Variants in EDIL3 observed in about 807,000 individuals in gnomAD.
EDIL3 encodes EGF-like repeat and discoidin I-like domain-containing protein 3.
Under a neutral mutation model 67.4 loss-of-function variants are expected in EDIL3, and 37 were observed. The observed-to-expected ratio is 0.55, with a 90% confidence interval of 0.42 to 0.72. EDIL3 has a LOEUF of 0.72. Among genes scored for constraint, EDIL3 ranks in the 30% least tolerant of loss-of-function variants. The pLI is 0.00. For synonymous variants in EDIL3, 195 were observed against 196.3 expected (o/e 0.99, Z 0.05); for missense variants, 527 against 586.3 (o/e 0.90, Z 1.04).
chr5:84,215,960 T>G (rs962616811), intron 3 of EDIL3, among the ~76,000 whole-genome samples: 2 of 152,214 alleles, frequency 1.3e-5, no homozygotes. Flanking sequence ...TGATGGGCAC[T>G]CACAGCCTTG....
chr5:84,211,847 G>A (rs1469059819), intron 3 of EDIL3, among the ~76,000 whole-genome samples: 3 of 152,174 alleles, frequency 2.0e-5, no homozygotes, highest in Non-Finnish European at 4.4e-5. Context: ...CTCAGGAAAC[G>A]AATATAGCTG....
chr5:83,944,958 G>C (rs1214464681), intron 10 of EDIL3, among the ~76,000 whole-genome samples: 1 of 151,856 alleles, frequency 6.6e-6, no homozygotes, highest in Non-Finnish European at 1.5e-5. Flanking sequence ...TGAAATTAAA[G>C]GGAATGTTTT....
chr5:84,191,806 T>A (rs1393621039), intron 3 of EDIL3, among the ~76,000 whole-genome samples: 1 of 152,062 alleles, frequency 6.6e-6, no homozygotes, highest in Non-Finnish European at 1.5e-5. Context: ...TCATATTGAA[T>A]CCATGTCAAA....
At chr5:84,269,780 G>T (rs975841915) in intron 1 of EDIL3, among the ~76,000 whole-genome samples, 1 of 152,132 alleles carries the variant, frequency 6.6e-6, no homozygotes, top group African/African-American at 2.4e-5. Context: ...CAGACCTAGG[G>T]TTAGGAAGCT....
chr5:84,310,637 T>G (rs771757183), intron 1 of EDIL3, among the ~76,000 whole-genome samples: 1 of 152,334 alleles, frequency 6.6e-6, no homozygotes, highest in East Asian at 1.9e-4. Context: ...TTTATCCTTA[T>G]ACAAATATTT....
intron 6 of EDIL3, among the ~76,000 whole-genome samples, chr5:84,105,730 C>T (rs746974411): frequency 1.1e-5 from 1 of 87,664 alleles, no homozygotes; most frequent in Non-Finnish European, 2.2e-5. Flanking sequence ...GCAACCTTTA[C>T]TCTAGTCATG....
chr5:84,335,753 G>A (rs1024655793), intron 1 of EDIL3, among the ~76,000 whole-genome samples: 1 of 152,164 alleles, frequency 6.6e-6, no homozygotes, highest in African/African-American at 2.4e-5. Flanking sequence ...TATCTTAGAG[G>A]AGGATGTCTC....
At chr5:83,990,938 GTT>G (rs1359934576) in intron 9 of EDIL3, among the ~76,000 whole-genome samples, 1 of 151,476 alleles carries the variant, frequency 6.6e-6, no homozygotes, top group Non-Finnish European at 1.5e-5. Context: ...AAATAAAAGA[GTT>G]AAGTGCAGAG....
At chr5:84,104,492 TA>T (rs1373521432) in intron 6 of EDIL3, among the ~76,000 whole-genome samples, 1 of 151,976 alleles carries the variant, frequency 6.6e-6, no homozygotes, top group Non-Finnish European at 1.5e-5. Flanking sequence ...ATATAATTCC[TA>T]AAAATTTATT....
At chr5:84,244,687 T>C (rs1487254132) in intron 2 of EDIL3, among the ~76,000 whole-genome samples, 1 of 152,198 alleles carries the variant, frequency 6.6e-6, no homozygotes, top group African/African-American at 2.4e-5. Context: ...GAACAAAGGC[T>C]GTGTCATTCA....
intron 4 of EDIL3, among the ~76,000 whole-genome samples, chr5:84,150,817 T>G (rs995458792): frequency 3.3e-5 from 5 of 152,190 alleles, no homozygotes; most frequent in Non-Finnish European, 7.3e-5. Flanking sequence ...ACACAAAGAC[T>G]TGTATGGATG....
intron 1 of EDIL3, among the ~76,000 whole-genome samples, chr5:84,290,351 C>T (rs1201358065): frequency 3.9e-5 from 6 of 152,138 alleles, no homozygotes; most frequent in African/African-American, 4.8e-5. Flanking sequence ...TGCCCTTACT[C>T]CCTCTAAGAG....
At chr5:84,011,755 T>C (rs7725025) in intron 9 of EDIL3, among the ~76,000 whole-genome samples, 21,492 of 152,124 alleles carry the variant, frequency 0.14, 2,156 homozygotes, top group African/African-American at 0.28. Flanking sequence ...TTTGCCTTTC[T>C]CCCCAAAACT....
In EDIL3 at chr5:84,064,855, AC is replaced by A. The variant is rs775407340; in HGVS notation, c.808-12del. On this transcript the variant is annotated splice_polypyrimidine_tract_variant and intron_variant, in intron 7 of 10. Coordinates refer to ENST00000296591, the MANE Select transcript of EDIL3 (RefSeq NM_005711.5). ...GTTTCCACGAAACACCTGTGTAAAA[AC>A]AGTTTAAAATTATTCACTGCAACAG... 4 of 1,604,418 alleles carry A rather than the reference AC, an allele frequency of 2.5e-6. No homozygotes were observed. The highest frequency in any genetic ancestry group is 3.4e-6 in the Non-Finnish European group (4 of 1,174,822).
chr5:84,303,615 A>G (rs890820998), intron 1 of EDIL3, among the ~76,000 whole-genome samples: 6 of 152,220 alleles, frequency 3.9e-5, no homozygotes, highest in African/African-American at 1.4e-4. Flanking sequence ...TATAGAAAAC[A>G]GTCATTATAT....
chr5:84,162,913 T>C (rs1748640557), intron 4 of EDIL3, among the ~76,000 whole-genome samples: 1 of 152,094 alleles, frequency 6.6e-6, no homozygotes, highest in Non-Finnish European at 1.5e-5. Context: ...TTATATGACA[T>C]CATCATAATA....
rs12521637 is a variant in EDIL3 at position 84,111,692 on chromosome 5, T to C, written c.470-4862A>G. On this transcript the variant is annotated intron_variant, in intron 5 of 10. Coordinates refer to ENST00000296591, the MANE Select transcript of EDIL3 (RefSeq NM_005711.5). ...AGGAAAAAAAGAAGGGTGAATCAAG[T>C]GTGGGTGTCAGGTGATCAGAGATGG... is the stretch of plus-strand genomic sequence containing the variant. Among the ~76,000 whole-genome samples, 1,196 of 151,992 alleles carry C rather than the reference T, an allele frequency of 7.9e-3. 8 individuals are homozygous for C. The highest frequency in any genetic ancestry group is 0.012 in the Non-Finnish European group (795 of 67,984).
intron 9 of EDIL3, among the ~76,000 whole-genome samples, chr5:84,018,785 T>C (rs184416966): frequency 0.019 from 1,887 of 101,692 alleles, 47 homozygotes; most frequent in African/African-American, 0.052. Flanking sequence ...CCAAAAAACA[T>C]ATGAAAAAAT....
intron 1 of EDIL3, among the ~76,000 whole-genome samples, chr5:84,315,687 C>A (rs1360052174): frequency 6.6e-6 from 1 of 151,862 alleles, no homozygotes; most frequent in Non-Finnish European, 1.5e-5. Flanking sequence ...AAACACTCTT[C>A]AGGATACTAT....
Sources: gnomAD v4.1 joint callset for allele counts (sites outside exome capture counted in the v4.1 genomes callset) on GRCh38, gnomAD v4.1.1 for gene constraint, MANE v1.5 for transcripts, NCBI Gene and HGNC (gene_info 2026-07-23, HGNC 2026-07-21) for gene names.